The following ICMT variants were observed in gnomAD, a reference collection of about 807,000 sequenced individuals.
The protein encoded by ICMT is protein-S-isoprenylcysteine O-methyltransferase.
A neutral mutation model predicts 32.2 loss-of-function variants in ICMT; 10 were observed. That is an observed-to-expected ratio of 0.31 (90% CI 0.19 to 0.53). The LOEUF is 0.53. Among genes scored for constraint, ICMT ranks in the 20% least tolerant of loss-of-function variants. The pLI is 0.96. For missense variants in ICMT, 265 were observed against 356.9 expected (o/e 0.74, Z 2.07); for synonymous variants, 183 against 158.2 (o/e 1.16, Z -1.18).
In ICMT at chr1:6,233,440, T is replaced by C. The variant is rs770926282; in HGVS notation, c.454+34A>G. The stretch of plus-strand genomic sequence containing the variant: ...CTCAGCCTGAATGGGAGCCACCCTT[T>C]TCCCCTCCAGAGGGGGACATAAGGC... On this transcript the variant is annotated intron_variant, in intron 3 of 4. Transcript: ENST00000343813. 1.9e-6 allele frequency: 3 copies of C among 1,585,952 alleles called. No homozygotes were observed. The East Asian group carries it at 6.7e-5, about 35-fold the overall frequency.
In ICMT at chr1:6,225,238, C is replaced by T. The variant is rs181532322; in HGVS notation, c.697G>A (p.Gly233Ser). The T allele has an allele frequency of 8.4e-5, 135 of 1,613,554 alleles. 1 individual carries two copies. In the South Asian group the frequency reaches 1.0e-3, roughly 12 times the overall value. The stretch of plus-strand genomic sequence containing the variant: ...CACACTGTCAGGGCATAGCTGACGC[C>T]GCAGATGGGGTTACACAGCATCACC... Reference protein sequence around the residue: ...TQVMLCNPICGVSYALTVWRF... With the variant: ...TQVMLCNPICSVSYALTVWRF... The change falls in exon 5 of 5, where the codon GGC becomes AGC. Residue 233 changes from glycine to serine, a missense_variant. Gly to Ser is a moderately conservative substitution (Grantham distance 56). Transcript: ENST00000343813.
intron 4 of ICMT, among the ~76,000 whole-genome samples, chr1:6,225,864 CT>C (rs981921133): frequency 1.2e-4 from 18 of 151,900 alleles, no homozygotes; most frequent in African/African-American, 2.7e-4. Context: ...CACTTTGCCT[CT>C]TTTTTTTCCC....
intron 1 of ICMT, 72 bp from the exon 2 acceptor site, chr1:6,235,046 G>T: frequency 1.6e-6 from 2 of 1,234,100 alleles, no homozygotes; most frequent in Non-Finnish European, 2.4e-6. Context: ...TGACCTTCCC[G>T]GAATAGGCAA....
chr1:6,226,123 G>A (rs746257993), intron 4 of ICMT, among the ~76,000 whole-genome samples: 8 of 152,128 alleles, frequency 5.3e-5, no homozygotes, highest in East Asian at 1.9e-4. Flanking sequence ...GGCCAGGTAC[G>A]GTGGCTCATG....
intron 4 of ICMT, among the ~76,000 whole-genome samples, chr1:6,231,647 C>T (rs1668738738): frequency 6.6e-6 from 1 of 152,074 alleles, no homozygotes; most frequent in Non-Finnish European, 1.5e-5. Flanking sequence ...AGGACTTACG[C>T]ACCCAGGTTC....
intron 4 of ICMT, among the ~76,000 whole-genome samples, chr1:6,230,903 GAAA>G (rs557858792): frequency 4.1e-5 from 3 of 73,410 alleles, no homozygotes; most frequent in East Asian, 4.6e-4. Flanking sequence ...TCTCAAAAAG[GAAA>G]AAAAAAAAAA....
Position 6,223,024 on chromosome 1 carries a change from T to G in ICMT, c.*2056A>C, listed in dbSNP as rs1268136488. 5.3e-5 allele frequency: 8 copies of G among 152,234 alleles called. No homozygotes were observed. The highest frequency in any genetic ancestry group is 1.9e-4 in the African/African-American group (8 of 41,466). 9.4% of individuals were successfully genotyped at this position (152,234 alleles called of 1,614,324 possible). A position where few individuals can be genotyped will look rare whatever the true frequency, so the allele number is the denominator to read the frequency against. On this transcript the variant is annotated 3_prime_UTR_variant, in exon 5 of 5. Transcript: ENST00000343813. ...ATCCTTTACTCCAGAAAAATTGTAA[T>G]GATGGCTCGGCCACCGCCTTGGCTA...
intron 1 of ICMT, among the ~76,000 whole-genome samples, chr1:6,235,509 T>C (rs115156943): frequency 6.6e-6 from 1 of 152,058 alleles, no homozygotes; most frequent in Non-Finnish European, 1.5e-5. Context: ...CCTGCTGAGC[T>C]GCACAAGCTG....
At chr1:6,226,478 C>T (rs922567835) in intron 4 of ICMT, among the ~76,000 whole-genome samples, 1 of 152,188 alleles carries the variant, frequency 6.6e-6, no homozygotes, top group Admixed American at 6.5e-5. Flanking sequence ...CCTCAGGGAA[C>T]CACTCACCTA....
At position 6,233,579 on chromosome 1, in the gene ICMT, T is replaced by C; in HGVS notation, c.349A>G (p.Lys117Glu). Residue 117 changes from lysine to glutamate, a missense_variant, in exon 3 of 5, where the codon AAA becomes GAA. Physicochemically the swap from Lys to Glu is moderately conservative, Grantham distance 56. Coordinates refer to ENST00000343813, the MANE Select transcript of ICMT (RefSeq NM_012405.4). The part of the protein sequence containing the change: ...EYLVTAVNNP[K>E]SLSLDSFLLN... ...AGAAAGGAATCCAAGGACAGACTTTTGGGATTATTGACTGCTGTCACCAAG... is the reference window on the plus strand; with the variant it reads ...AGAAAGGAATCCAAGGACAGACTTTCGGGATTATTGACTGCTGTCACCAAG... 6.2e-7 allele frequency: 1 copy of C among 1,614,038 alleles called. No individual in the cohort carries two copies. The highest frequency in any genetic ancestry group is 2.2e-5 in the East Asian group (1 of 44,888).
rs531967160 is a variant in ICMT at position 6,235,898 on chromosome 1, G to C, written c.14C>G (p.Ala5Gly). ...CTCAGAGCCCGGCGGAGCCCGCGCC[G>C]CGCAGCCCGCCATGGCGCCGGGCGG... is the stretch of plus-strand genomic sequence containing the variant. MAGC[A>G]ARAPPGSEAR... Residue 5 changes from alanine to glycine, a missense_variant, in exon 1 of 5, where the codon GCG becomes GGG. Physicochemically the swap from Ala to Gly is moderately conservative, Grantham distance 60. This residue lies in a region of ICMT where 99 missense variants were observed against 92.6 expected (regional missense o/e 1.07). Transcript: ENST00000343813. 3,687 of 1,128,350 alleles carry C rather than the reference G, an allele frequency of 3.3e-3. 108 individuals carry two copies. The African/African-American group carries it at 0.057, about 17-fold the overall frequency. 69.9% of individuals were successfully genotyped at this position (1,128,350 alleles called of 1,614,324 possible).
chr1:6,235,201 C>T (rs1668801113), intron 1 of ICMT, among the ~76,000 whole-genome samples: 1 of 152,204 alleles, frequency 6.6e-6, no homozygotes, highest in South Asian at 2.1e-4. Context: ...CCATCTACAG[C>T]CAGGGGATAA....
rs1455134515 is a variant in ICMT at position 6,221,969 on chromosome 1, A to G, written c.*3111T>C. The G allele has an allele frequency of 6.6e-6, 1 of 152,250 alleles. No homozygotes were observed. Among genetic ancestry groups the G allele is most frequent in the Non-Finnish European group, 1.5e-5 (1 of 68,050 alleles). The allele number at this position is 152,250 out of a possible 1,614,324, so 9.4% of individuals were successfully genotyped here. ...CTTGACAGTTTTTTAAATCGAGAAA[A>G]TTGGTGATGTGGCCTTGGCAGCAAA... On this transcript the variant is annotated 3_prime_UTR_variant, in exon 5 of 5. Transcript: ENST00000343813.
chr1:6,234,657 G>A, intron 2 of ICMT: 1 of 564,032 alleles, frequency 1.8e-6, no homozygotes, highest in South Asian at 1.9e-5. Flanking sequence ...AGCACCTTTG[G>A]GGGTGCCAGG....
intron 4 of ICMT, among the ~76,000 whole-genome samples, chr1:6,227,659 T>C (rs60359031): frequency 0.044 from 6,685 of 152,138 alleles, 460 homozygotes; most frequent in African/African-American, 0.15. Flanking sequence ...ATTGAGATCA[T>C]CCTGGCTAAC....
rs1668821701 is a variant in ICMT at position 6,235,927 on chromosome 1, ACTAGCGGGCGGCGGC to A, written c.-31_-17del. ...AGCCCGCCATGGCGCCGGGCGGCGG[ACTAGCGGGCGGCGGC>A]GCCGGCTGTAGCCCGGAGAAACGCG... On this transcript the variant is annotated 5_prime_UTR_variant, in exon 1 of 5. Coordinates refer to ENST00000343813, the MANE Select transcript of ICMT (RefSeq NM_012405.4). 2.8e-6 allele frequency: 3 copies of A among 1,055,324 alleles called. No individual in the cohort carries two copies. Among genetic ancestry groups the A allele is most frequent in the Middle Eastern group, 4.1e-4 (1 of 2,460 alleles). 65.4% of individuals were successfully genotyped at this position (1,055,324 alleles called of 1,614,324 possible). A position where few individuals can be genotyped will look rare whatever the true frequency, so the allele number is the denominator to read the frequency against.
At chr1:6,228,887 C>T (rs1668686032) in intron 4 of ICMT, among the ~76,000 whole-genome samples, 3 of 151,748 alleles carry the variant, frequency 2.0e-5, no homozygotes, top group African/African-American at 2.4e-5. Context: ...AAAAAATTAG[C>T]TGGGCGAGGT....
At chr1:6,225,684 C>A (rs151030314) in intron 4 of ICMT, among the ~76,000 whole-genome samples, 3 of 152,108 alleles carry the variant, frequency 2.0e-5, no homozygotes, top group South Asian at 2.1e-4. Context: ...TGCTTCAGCA[C>A]GAGATACAGT....
chr1:6,224,855 C>T lies in ICMT; in HGVS notation c.*225G>A, dbSNP rs1668619844. On this transcript the variant is annotated 3_prime_UTR_variant, in exon 5 of 5. Transcript: ENST00000343813. ...ATATTGCTGTGATTTGCCCCTTACT[C>T]GTCTTTCACCCATGTTCCGCCTTGA... 2 of 520,548 alleles carry T rather than the reference C, an allele frequency of 3.8e-6. No individual in the cohort carries two copies. Among genetic ancestry groups the T allele is most frequent in the Non-Finnish European group, 6.8e-6 (2 of 295,468 alleles). The allele number at this position is 520,548 out of a possible 1,614,324, so 32.2% of individuals were successfully genotyped here. A position where few individuals can be genotyped will look rare whatever the true frequency, so the allele number is the denominator to read the frequency against.
Sources: gnomAD v4.1 joint callset for allele counts (sites outside exome capture counted in the v4.1 genomes callset) on GRCh38, gnomAD v4.1.1 for gene constraint, gnomAD v4.1.1 regional missense constraint, MANE v1.5 for transcripts, NCBI Gene and HGNC (gene_info 2026-07-23, HGNC 2026-07-21) for gene names.